The following GNAO1 variants were observed in gnomAD, a reference collection of about 807,000 sequenced individuals.
GNAO1 encodes the protein G protein subunit alpha o1, also known as guanine nucleotide-binding protein G(o) subunit alpha.
For synonymous variants in GNAO1, 164 were observed against 180.7 expected (o/e 0.91, Z 0.74); for missense variants, 166 against 478.7 (o/e 0.35, Z 6.10).
intron 2 of GNAO1, among the ~76,000 whole-genome samples, chr16:56,233,211 C>T (rs990646035): frequency 7.2e-5 from 11 of 152,136 alleles, no homozygotes; most frequent in Admixed American, 2.6e-4. Flanking sequence ...GATACAAAGC[C>T]GATACTTACC....
At chr16:56,192,459 T>G in intron 1 of GNAO1, 106 bp downstream of exon 1, 1 of 839,868 alleles carries the variant, frequency 1.2e-6, no homozygotes, top group Admixed American at 1.9e-5. Context: ...GTCCCCAAGT[T>G]GGCACCACCA....
At chr16:56,347,285 G>A (rs3790112) in intron 6 of GNAO1, 22 of 985,148 alleles carry the variant, frequency 2.2e-5, no homozygotes, top group African/African-American at 2.1e-4. Context: ...CTCCAGCTCC[G>A]CGGCCACCAG....
rs184958169 is a variant in GNAO1, at chr16:56,282,103, G to A, written c.303+6031G>A. 1.6e-4 allele frequency among the ~76,000 whole-genome samples: 24 copies of A among 152,294 alleles called. 1 individual carries two copies. The East Asian group carries it at 3.9e-3, about 24-fold the overall frequency. ...CAACTATAAACTCCTTAAGGGCAGA[G>A]TGTAGATCCTGTTCCTCTAGCACAA... On this transcript the variant is annotated intron_variant, in intron 3 of 8. Transcript: ENST00000262493.
At chr16:56,205,580 G>C (rs1464553267) in intron 2 of GNAO1, among the ~76,000 whole-genome samples, 1 of 152,194 alleles carries the variant, frequency 6.6e-6, no homozygotes, top group Non-Finnish European at 1.5e-5. Flanking sequence ...TGCTATGGAA[G>C]GCCTGTTTCT....
chr16:56,261,897 A>G (rs1220105692), intron 2 of GNAO1, among the ~76,000 whole-genome samples: 5 of 152,196 alleles, frequency 3.3e-5, no homozygotes, highest in African/African-American at 1.2e-4. Context: ...CAATGCCGTC[A>G]AGACTCCTGA....
At chr16:56,192,726 G>GCGCA (rs1555499822) in intron 2 of GNAO1, 110 bp downstream of exon 2, 62 of 564,884 alleles carry the variant, frequency 1.1e-4, no homozygotes, top group Middle Eastern at 4.7e-4. Flanking sequence ...TTTAATTCGT[G>GCGCA]CACACACACA....
chr16:56,192,398 C>T (rs377122941), intron 1 of GNAO1, 45 bp downstream of exon 1: 5 of 1,170,286 alleles, frequency 4.3e-6, no homozygotes, highest in Admixed American at 1.7e-5. Flanking sequence ...CCCGGCCACT[C>T]CGCACCCCCT....
chr16:56,261,668 C>T (rs765248498), intron 2 of GNAO1, among the ~76,000 whole-genome samples: 1 of 152,132 alleles, frequency 6.6e-6, no homozygotes, highest in East Asian at 1.9e-4. Context: ...AGCTGATCCC[C>T]GAAATGCCCA....
chr16:56,328,964 C>T (rs1489846332), intron 4 of GNAO1, 173 bp downstream of exon 4: 11 of 633,844 alleles, frequency 1.7e-5, no homozygotes, highest in Non-Finnish European at 3.0e-5. Flanking sequence ...GGCCTCTCTT[C>T]CTGCACCCCA....
At chr16:56,295,266 TCAGA>T (rs1382093822) in intron 3 of GNAO1, among the ~76,000 whole-genome samples, 3 of 152,074 alleles carry the variant, frequency 2.0e-5, no homozygotes, top group African/African-American at 7.2e-5. Context: ...GACTCTGGGG[TCAGA>T]CAGTCCTGGG....
At position 56,192,062 on chromosome 16, in the gene GNAO1, GCTGT is replaced by G. The variant is rs1173479751; in HGVS notation, c.-171_-168del. The G allele has an allele frequency of 1.5e-5, 9 of 588,196 alleles. No individual in the cohort carries two copies. Among genetic ancestry groups the G allele is most frequent in the East Asian group, 5.6e-5 (2 of 35,514 alleles). 36.4% of individuals were successfully genotyped at this position (588,196 alleles called of 1,614,324 possible). ...CTCCGCTGCTGGAATCTTGTTAGCG[GCTGT>G]CTTTTTGGAGGGTTCTGGTTTCCCG... On this transcript the variant is annotated 5_prime_UTR_variant, in exon 1 of 9. Coordinates refer to ENST00000262493, the MANE Select transcript of GNAO1 (RefSeq NM_020988.3).
intron 2 of GNAO1, among the ~76,000 whole-genome samples, chr16:56,242,967 C>T (rs556624327): frequency 5.9e-5 from 9 of 152,208 alleles, no homozygotes; most frequent in Non-Finnish European, 7.4e-5. Context: ...ACTGCCTCAG[C>T]TCTGCCTCCT....
At chr16:56,257,292 G>A (rs1210678723) in intron 2 of GNAO1, among the ~76,000 whole-genome samples, 2 of 152,210 alleles carry the variant, frequency 1.3e-5, no homozygotes, top group African/African-American at 4.8e-5. Flanking sequence ...GCACTCCAGT[G>A]TTTAGATATT....
chr16:56,247,482 G>GTTTTTTTTTTTT (rs61650674), intron 2 of GNAO1, among the ~76,000 whole-genome samples: 5 of 119,672 alleles, frequency 4.2e-5, no homozygotes, highest in East Asian at 2.4e-4. Flanking sequence ...TTAGGGTGAG[G>GTTTTTTTTTTTT]TTTTTTTTTT....
intron 3 of GNAO1, among the ~76,000 whole-genome samples, chr16:56,323,898 G>C (rs1227880174): frequency 6.6e-6 from 1 of 152,198 alleles, no homozygotes; most frequent in Admixed American, 6.5e-5. Flanking sequence ...ACAGCTGAAA[G>C]CAGATCTGAA....
At chr16:56,234,026 T>A (rs922004853) in intron 2 of GNAO1, among the ~76,000 whole-genome samples, 4 of 152,248 alleles carry the variant, frequency 2.6e-5, no homozygotes, top group Non-Finnish European at 4.4e-5. Flanking sequence ...TAACCTCATC[T>A]CTGCCTGAGG....
At chr16:56,208,993 A>T (rs2036359043) in intron 2 of GNAO1, among the ~76,000 whole-genome samples, 1 of 151,600 alleles carries the variant, frequency 6.6e-6, no homozygotes, top group Non-Finnish European at 1.5e-5. Context: ...TAATGTAGTC[A>T]TTCTTTCAGT....
chr16:56,297,853 T>G (rs2037302996), intron 3 of GNAO1, among the ~76,000 whole-genome samples: 2 of 152,046 alleles, frequency 1.3e-5, no homozygotes. Flanking sequence ...TTCTCTTCTT[T>G]ATGTAGAACT....
chr16:56,291,247 G>T (rs545117127), intron 3 of GNAO1, among the ~76,000 whole-genome samples: 6 of 152,170 alleles, frequency 3.9e-5, no homozygotes, highest in African/African-American at 1.4e-4. Context: ...GCATATGGAG[G>T]TTCCAGTGTC....
Sources: allele counts gnomAD v4.1 joint callset (sites outside exome capture counted in the v4.1 genomes callset), GRCh38; gene constraint gnomAD v4.1.1; transcripts MANE v1.5; gene names NCBI Gene and HGNC (gene_info 2026-07-23, HGNC 2026-07-21).